The following KIAA1755 variants were observed in gnomAD, a reference collection of about 807,000 sequenced individuals.
KIAA1755 encodes the protein uncharacterized protein KIAA1755.
KIAA1755 carries 68 observed loss-of-function variants against 91.7 expected under a neutral mutation model. The observed-to-expected ratio is 0.74, with a 90% CI of 0.61 to 0.91. The LOEUF (loss-of-function observed/expected upper bound fraction) is 0.91. Among genes scored for constraint, KIAA1755 ranks in the 40% least tolerant of loss-of-function variants. KIAA1755 has a pLI of 0.00. For missense variants in KIAA1755, 1,535 were observed against 1,494.4 expected, an observed-to-expected ratio of 1.03 and a Z score of -0.45; for synonymous variants, 610 against 604.6, an observed-to-expected ratio of 1.01 and a Z score of -0.13.
intron 1 of KIAA1755, among the ~76,000 whole-genome samples, chr20:38,250,487 GGTGT>G (rs370369766): frequency 4.1e-4 from 59 of 142,510 alleles, no homozygotes; most frequent in African/African-American, 8.2e-4. Flanking sequence ...TTATTATTAT[GGTGT>G]GTGTGTGTGT....
chr20:38,239,485 C>T lies in KIAA1755; in HGVS notation c.1747+43G>A, dbSNP rs763365111. On this transcript the variant is annotated intron_variant, in intron 4 of 13. Coordinates refer to ENST00000279024, the MANE Select transcript of KIAA1755 (RefSeq NM_001029864.2). ...CAGCAGCTGAAGATGCTCTGGGGCC[C>T]CCAGCTCCCTCCCTACCACCTCCTG... 10 of 1,597,324 alleles carry T rather than the reference C, an allele frequency of 6.3e-6. No individual in the cohort carries two copies. In the South Asian group the frequency reaches 1.1e-4, roughly 18 times the overall value.
At chr20:38,239,896 C>A (rs2076024604) in intron 3 of KIAA1755, among the ~76,000 whole-genome samples, 171 bp from the exon 4 acceptor site, 1 of 152,208 alleles carries the variant, frequency 6.6e-6, no homozygotes, top group Admixed American at 6.5e-5. Context: ...CCTCCCCACA[C>A]CTCACTTTTT....
Position 38,227,150 on chromosome 20 carries a change from T to A in KIAA1755, c.2052+4A>T, listed in dbSNP as rs1471270113. On this transcript the variant is annotated splice_donor_region_variant and intron_variant, in intron 7 of 13. Transcript: ENST00000279024. The stretch of plus-strand genomic sequence containing the variant: ...CTCAACCGCCGACCCTGAGTCCCCC[T>A]CACCTGGACGTCAGGTAATGTCTGC... 1 of 1,612,096 alleles carries A rather than the reference T, an allele frequency of 6.2e-7. No homozygotes were observed. Among genetic ancestry groups the A allele is most frequent in the Admixed American group, 1.7e-5 (1 of 59,942 alleles).
At chr20:38,248,252 A>G (rs1397364434) in intron 1 of KIAA1755, among the ~76,000 whole-genome samples, 1 of 152,184 alleles carries the variant, frequency 6.6e-6, no homozygotes, top group East Asian at 1.9e-4. Flanking sequence ...TAAATAGCGG[A>G]AATATGACAA....
intron 3 of KIAA1755, 104 bp downstream of exon 3, chr20:38,240,478 G>A: frequency 8.2e-7 from 1 of 1,223,818 alleles, no homozygotes; most frequent in Non-Finnish European, 1.1e-6. Flanking sequence ...CCCTGAAGCT[G>A]AGCCAGCCCA....
rs189870496 is a variant in KIAA1755 at position 38,229,202 on chromosome 20, G to A, written c.1872-962C>T. Among the ~76,000 whole-genome samples, 35 of 152,342 alleles carry A rather than the reference G, an allele frequency of 2.3e-4. No homozygotes were observed. In the East Asian group the frequency reaches 6.5e-3, roughly 29 times the overall value. On this transcript the variant is annotated intron_variant, in intron 5 of 13. Coordinates refer to ENST00000279024, the MANE Select transcript of KIAA1755 (RefSeq NM_001029864.2). The stretch of plus-strand genomic sequence containing the variant: ...AGTGGGAGGGTAGAGCTGTGGCACT[G>A]CCATTAGTACCTTGTGGTCTGGGCA...
At position 38,245,932 on chromosome 20, in the gene KIAA1755, G is replaced by A. The variant is rs2076150782; in HGVS notation, c.198C>T (p.Ala66=). ...CCCTGTTTCCCTCTTGACTTACACA[G>A]GCTGCTTCTCGCACTTGCTCACACA... ...KRLCEQVREA[A]CAPYSHCLFL... Residue 66 remains alanine (A), a synonymous_variant, in exon 2 of 14, where the codon GCC becomes GCT. Transcript: ENST00000279024. 1 of 1,613,920 alleles carries A rather than the reference G, an allele frequency of 6.2e-7. No individual in the cohort carries two copies. Among genetic ancestry groups the A allele is most frequent in the Non-Finnish European group, 8.5e-7 (1 of 1,179,966 alleles).
chr20:38,237,490 G>A (rs551087298), intron 4 of KIAA1755, among the ~76,000 whole-genome samples: 1 of 152,098 alleles, frequency 6.6e-6, no homozygotes, highest in African/African-American at 2.4e-5. Context: ...GCGAGTGAGT[G>A]TTTGAAAGGA....
rs750545744 is a variant in KIAA1755, at chr20:38,227,149, C to T, written c.2052+5G>A. ...CCTCAACCGCCGACCCTGAGTCCCC[C>T]TCACCTGGACGTCAGGTAATGTCTG... On this transcript the variant is annotated splice_donor_5th_base_variant and intron_variant, in intron 7 of 13. Coordinates refer to ENST00000279024, the MANE Select transcript of KIAA1755 (RefSeq NM_001029864.2). 5.0e-6 allele frequency: 8 copies of T among 1,611,496 alleles called. No homozygotes were observed. Among genetic ancestry groups the T allele is most frequent in the Non-Finnish European group, 6.8e-6 (8 of 1,178,022 alleles).
intron 4 of KIAA1755, among the ~76,000 whole-genome samples, chr20:38,232,259 G>A (rs567798460): frequency 2.9e-4 from 44 of 152,268 alleles, no homozygotes; most frequent in South Asian, 8.3e-4. Flanking sequence ...CACAAGTGCC[G>A]CCTCACAGGG....
rs1284351885 is a variant in KIAA1755, at chr20:38,218,343, T to C, written c.2580A>G (p.Glu860=). 1 of 1,614,222 alleles carries C rather than the reference T, an allele frequency of 6.2e-7. No homozygotes were observed. The highest frequency in any genetic ancestry group is 8.5e-7 in the Non-Finnish European group (1 of 1,180,044). Residue 860 remains glutamate (E), a synonymous_variant, in exon 12 of 14, where the codon GAA becomes GAG. Transcript: ENST00000279024. ...IHQVSDWMEQ[E]GRRCLQSLTP... is the part of the protein sequence containing the mutation. ...TCAGTGATTGCAGGCACCGCCTTCC[T>C]TCCTGCTCCATCCAGTCGCTGACCT...
intron 2 of KIAA1755, among the ~76,000 whole-genome samples, chr20:38,244,137 T>C (rs1257582977): frequency 1.3e-5 from 2 of 151,474 alleles, no homozygotes; most frequent in African/African-American, 2.4e-5. Context: ...GACGCGGAAA[T>C]GTTGTTACCT....
At position 38,222,599 on chromosome 20, in the gene KIAA1755, T is replaced by C; in HGVS notation, c.2269-2A>G. 6.2e-7 allele frequency: 1 copy of C among 1,611,786 alleles called. No individual in the cohort carries two copies. On this transcript the variant is annotated splice_acceptor_variant, in intron 9 of 13. Coordinates refer to ENST00000279024, the MANE Select transcript of KIAA1755 (RefSeq NM_001029864.2). LOFTEE classifies it high-confidence loss of function. ...CTTGCTCAGGCACCTGGTAGCCTCC[T>C]GCCAGCGTAGGGAGGTGCCCTGAGG...
intron 11 of KIAA1755, among the ~76,000 whole-genome samples, chr20:38,219,114 G>A (rs937204791): frequency 6.6e-6 from 1 of 152,118 alleles, no homozygotes; most frequent in African/African-American, 2.4e-5. Context: ...GTAAGTGCTG[G>A]AGCCAGGAAT....
At position 38,223,553 on chromosome 20, in the gene KIAA1755, G is replaced by C; in HGVS notation, c.2253C>G (p.Pro751=). 3 of 1,596,892 alleles carry C rather than the reference G, an allele frequency of 1.9e-6. No homozygotes were observed. Among genetic ancestry groups the C allele is most frequent in the Non-Finnish European group, 2.6e-6 (3 of 1,173,154 alleles). ...CCAGGCTCACCTGCATCCCCCCAGG[G>C]GGGTCGGCCTTCTCGAATTCCTCGA... ...ASIEEFEKAD[P]PGGMQEATRC... The change falls in exon 9 of 14, where the codon CCC becomes CCG. Residue 751 remains proline (P), a synonymous_variant. Coordinates refer to ENST00000279024, the MANE Select transcript of KIAA1755 (RefSeq NM_001029864.2).
rs1460692070 is a variant in KIAA1755 at position 38,211,357 on chromosome 20, C to T, written c.*1685G>A. On this transcript the variant is annotated 3_prime_UTR_variant, in exon 14 of 14. Transcript: ENST00000279024. The stretch of plus-strand genomic sequence containing the variant: ...TTTCTGGAGCCAGGAAAATTCAGAG[C>T]TAGGTGACCAAGAGGCCACTTCAGT... 6.6e-6 allele frequency: 1 copy of T among 152,342 alleles called. No individual in the cohort carries two copies. Among genetic ancestry groups the T allele is most frequent in the Non-Finnish European group, 1.5e-5 (1 of 68,126 alleles). 9.4% of individuals were successfully genotyped at this position (152,342 alleles called of 1,614,324 possible).
intron 8 of KIAA1755, among the ~76,000 whole-genome samples, chr20:38,224,371 C>T (rs553563203): frequency 6.6e-6 from 1 of 152,178 alleles, no homozygotes; most frequent in African/African-American, 2.4e-5. Flanking sequence ...GGGGGACAAG[C>T]GGAAAAGGAG....
chr20:38,223,669 G>A, intron 8 of KIAA1755, 33 bp from the exon 9 acceptor site: 1 of 1,555,470 alleles, frequency 6.4e-7, no homozygotes, highest in South Asian at 1.2e-5. Flanking sequence ...GCAGGTGTCA[G>A]CCCAGGCCAA....
chr20:38,245,110 C>A (rs1481831881), intron 2 of KIAA1755, among the ~76,000 whole-genome samples: 1 of 152,250 alleles, frequency 6.6e-6, no homozygotes, highest in African/African-American at 2.4e-5. Context: ...TGGTACCCCA[C>A]TCCTCTGGCC....
Sources: allele counts gnomAD v4.1 joint callset (sites outside exome capture counted in the v4.1 genomes callset), GRCh38; gene constraint gnomAD v4.1.1; transcripts MANE v1.5; gene names NCBI Gene and HGNC (gene_info 2026-07-23, HGNC 2026-07-21).